The following ITGA9 variants were observed in gnomAD, a reference collection of about 807,000 sequenced individuals.
ITGA9 encodes integrin alpha-9.
ITGA9 carries 56 observed loss-of-function variants against 127.8 expected under a neutral mutation model. The observed-to-expected ratio is 0.44, with a 90% confidence interval of 0.35 to 0.55. The LOEUF (loss-of-function observed/expected upper bound fraction) is 0.55, where lower values mean the gene tolerates loss of function less well. ITGA9 is among the 20% of genes least tolerant of loss of function. The probability of loss-of-function intolerance (pLI) is 0.00; values close to 1 mark genes in which losing one functional copy is unlikely to be tolerated. For missense variants in ITGA9, 1,196 were observed against 1,347.1 expected, an observed-to-expected ratio of 0.89 and a Z score of 1.76; for synonymous variants, 508 against 514.5, an observed-to-expected ratio of 0.99 and a Z score of 0.17.
At chr3:37,558,340 G>A (rs141325564) in intron 15 of ITGA9, among the ~76,000 whole-genome samples, 35 of 152,272 alleles carry the variant, frequency 2.3e-4, no homozygotes, top group African/African-American at 8.2e-4. Context: ...CTCTGTGTCT[G>A]GTGGAGGGGA....
At chr3:37,817,582 G>C (rs1207455996) in intron 27 of ITGA9, among the ~76,000 whole-genome samples, 1 of 152,154 alleles carries the variant, frequency 6.6e-6, no homozygotes, top group Admixed American at 6.5e-5. Flanking sequence ...GAGGGAGCTG[G>C]GGTATTTGTA....
intron 15 of ITGA9, among the ~76,000 whole-genome samples, chr3:37,595,313 G>C (rs1294141599): frequency 6.6e-6 from 1 of 152,138 alleles, no homozygotes; most frequent in African/African-American, 2.4e-5. Flanking sequence ...TGTGGACCAG[G>C]CTGGGGAAGA....
At chr3:37,677,519 C>T (rs148015421) in intron 17 of ITGA9, among the ~76,000 whole-genome samples, 373 of 152,278 alleles carry the variant, frequency 2.4e-3, no homozygotes, top group African/African-American at 8.4e-3. Flanking sequence ...TCCCAGTATT[C>T]TAAAATATTC....
chr3:37,676,460 C>T (rs1255748424), intron 17 of ITGA9, among the ~76,000 whole-genome samples: 2 of 152,152 alleles, frequency 1.3e-5, no homozygotes, highest in African/African-American at 4.8e-5. Flanking sequence ...TCCCATCAGT[C>T]ATTGAGGGTT....
At chr3:37,512,009 TTTTCTTTTCTTTTC>T (rs1698914848) in intron 8 of ITGA9, among the ~76,000 whole-genome samples, 1 of 40,482 alleles carries the variant, frequency 2.5e-5, no homozygotes, top group African/African-American at 7.0e-5. Flanking sequence ...TTTTCTTTTC[TTTTCTTTTCTTTTC>T]TTTTCTTTCT....
chr3:37,689,130 G>T (rs1433095914), intron 18 of ITGA9, among the ~76,000 whole-genome samples: 1 of 152,170 alleles, frequency 6.6e-6, no homozygotes, highest in Non-Finnish European at 1.5e-5. Context: ...CAAGGCCCAG[G>T]CCTCCAAGGT....
Position 37,732,777 on chromosome 3 carries a change from T to C in ITGA9, c.2133T>C (p.Pro711=). 1 of 1,610,826 alleles carries C rather than the reference T, an allele frequency of 6.2e-7. No individual in the cohort carries two copies. The highest frequency in any genetic ancestry group is 1.1e-5 in the South Asian group (1 of 89,588). Reference sequence around the variant, plus strand: ...TCCTCAAATGCAGCGTGGGATTTCCTTTCATGAGGTCAAAGTCAAAGGTAA... The same window carrying C: ...TCCTCAAATGCAGCGTGGGATTTCCCTTCATGAGGTCAAAGTCAAAGGTAA... ...SDFLKCSVGF[P]FMRSKSKYEF... The change falls in exon 19 of 28, where the codon CCT becomes CCC. Residue 711 remains proline, a synonymous_variant. Coordinates refer to ENST00000264741, the MANE Select transcript of ITGA9 (RefSeq NM_002207.3).
chr3:37,801,588 A>G (rs539115842), intron 26 of ITGA9, among the ~76,000 whole-genome samples: 7 of 152,286 alleles, frequency 4.6e-5, no homozygotes, highest in Non-Finnish European at 2.9e-5. Context: ...GTGAGCTGAG[A>G]TTGCACCACT....
intron 15 of ITGA9, among the ~76,000 whole-genome samples, chr3:37,550,771 C>T (rs1699370774): frequency 6.6e-6 from 1 of 152,002 alleles, no homozygotes; most frequent in African/African-American, 2.4e-5. Flanking sequence ...GTTTAACAAC[C>T]CTGGCTCATA....
At chr3:37,796,989 C>T (rs956584302) in intron 26 of ITGA9, among the ~76,000 whole-genome samples, 1 of 151,962 alleles carries the variant, frequency 6.6e-6, no homozygotes, top group Non-Finnish European at 1.5e-5. Context: ...CCATGGGTTC[C>T]CTTGAGTTTG....
At chr3:37,756,436 A>T (rs1487868017) in intron 23 of ITGA9, among the ~76,000 whole-genome samples, 1 of 152,176 alleles carries the variant, frequency 6.6e-6, no homozygotes, top group Non-Finnish European at 1.5e-5. Flanking sequence ...TCATCACACA[A>T]GTAGGAGTAA....
In ITGA9 at chr3:37,517,549, A is replaced by G. The variant is rs150482056; in HGVS notation, c.1081A>G (p.Asn361Asp). Residue 361 changes from asparagine (N) to aspartate (D), a missense_variant, in exon 10 of 28, where the codon AAT (asparagine) becomes GAT (aspartate). Coordinates refer to ENST00000264741, the MANE Select transcript of ITGA9 (RefSeq NM_002207.3). ...GGCTCTGACTGGGGATGGTGCCTAC[A>G]ATGCGCACTTTGGAGAGAGCATTGC... is the stretch of plus-strand genomic sequence containing the variant. ...QLALTGDGAY[N>D]AHFGESIASL... 2.2e-3 allele frequency: 3,470 copies of G among 1,600,178 alleles called. 28 individuals carry two copies. The highest frequency in any genetic ancestry group is 0.011 in the African/African-American group (824 of 74,844).
At chr3:37,468,044 TGCTCTTGTGTG>T (rs1698390210) in intron 1 of ITGA9, among the ~76,000 whole-genome samples, 1 of 152,194 alleles carries the variant, frequency 6.6e-6, no homozygotes. Context: ...CCAGCCAAAC[TGCTCTTGTGTG>T]GGTGAGGGAG....
chr3:37,769,827 A>G (rs926110635), intron 23 of ITGA9, among the ~76,000 whole-genome samples: 1 of 152,184 alleles, frequency 6.6e-6, no homozygotes, highest in Non-Finnish European at 1.5e-5. Context: ...GACAAGATTT[A>G]TAATCTCATT....
At chr3:37,664,042 G>A (rs1410564866) in intron 17 of ITGA9, among the ~76,000 whole-genome samples, 2 of 152,140 alleles carry the variant, frequency 1.3e-5, no homozygotes, top group African/African-American at 4.8e-5. Context: ...CGGTGCAGAG[G>A]CTCAGGAAGG....
At chr3:37,623,104 A>G (rs1365814900) in intron 15 of ITGA9, among the ~76,000 whole-genome samples, 2 of 152,172 alleles carry the variant, frequency 1.3e-5, no homozygotes, top group African/African-American at 4.8e-5. Flanking sequence ...TAAATTAAAA[A>G]GCAAACAACT....
chr3:37,519,476 T>A lies in ITGA9; in HGVS notation c.1236+122T>A, dbSNP rs978865310. 3.9e-6 allele frequency: 3 copies of A among 769,054 alleles called. No individual in the cohort carries two copies. In the Admixed American group the frequency reaches 6.1e-5, roughly 16 times the overall value. The allele number at this position is 769,054 out of a possible 1,614,324, so 47.6% of individuals were successfully genotyped here. The stretch of plus-strand genomic sequence containing the variant: ...AAAAACATTTTTCTTGCCTTGGCCT[T>A]CCTACCCTTTTGTGAAAGATACAAT... On this transcript the variant is annotated intron_variant, in intron 11 of 27. Transcript: ENST00000264741.
chr3:37,527,906 C>T (rs1699109912), intron 13 of ITGA9, among the ~76,000 whole-genome samples: 2 of 152,134 alleles, frequency 1.3e-5, no homozygotes, highest in Admixed American at 1.3e-4. Context: ...CTGCCTCAGC[C>T]TCCTGAGCAG....
intron 15 of ITGA9, among the ~76,000 whole-genome samples, chr3:37,561,750 C>A (rs1252384046): frequency 6.6e-6 from 1 of 152,202 alleles, no homozygotes. Context: ...GCTGATCAAA[C>A]TTTCCGCGTG....
Sources: allele counts gnomAD v4.1 joint callset (sites outside exome capture counted in the v4.1 genomes callset), GRCh38; gene constraint gnomAD v4.1.1; transcripts MANE v1.5; gene names NCBI Gene and HGNC (gene_info 2026-07-23, HGNC 2026-07-21).